The following CHODL variants were observed in gnomAD, a reference collection of about 807,000 sequenced individuals.
CHODL encodes the protein transmembrane protein MT75.
A neutral mutation model predicts 34.5 loss-of-function variants in CHODL; 29 were observed. The observed-to-expected ratio is 0.84, with a 90% CI of 0.63 to 1.15. The LOEUF (loss-of-function observed/expected upper bound fraction) is 1.15. Among genes scored for constraint, CHODL ranks in the 50% most tolerant of loss-of-function variants. The pLI is 0.00. For missense variants in CHODL, 332 were observed against 332.5 expected, an observed-to-expected ratio of 1.00 and a Z score of 0.01; for synonymous variants, 125 against 116.1, an observed-to-expected ratio of 1.08 and a Z score of -0.49.
intron 2 of CHODL, among the ~76,000 whole-genome samples, chr21:18,062,202 A>G (rs1176448911): frequency 1.3e-5 from 2 of 152,086 alleles, no homozygotes; most frequent in Non-Finnish European, 2.9e-5. Flanking sequence ...ATGACAGGCA[A>G]CAGCCCAGAC....
At position 17,940,300 on chromosome 21, in the gene CHODL, T is replaced by C. The variant is rs1395786634; in HGVS notation, c.-145+22900T>C. Among the ~76,000 whole-genome samples, 4 of 152,298 alleles carry C rather than the reference T, an allele frequency of 2.6e-5. No homozygotes were observed. The East Asian group carries it at 7.7e-4, about 29-fold the overall frequency. On this transcript the variant is annotated intron_variant, in intron 1 of 6. Coordinates refer to the CHODL transcript ENST00000400127. Reference sequence around the variant, plus strand: ...ATAACAGGCAAAAATCTGGAAACAATCCCATTTTCATCACCAATGAAGAAA... The same window carrying C: ...ATAACAGGCAAAAATCTGGAAACAACCCCATTTTCATCACCAATGAAGAAA...
upstream of CHODL, among the ~76,000 whole-genome samples, chr21:18,242,743 C>A (rs1245500362): frequency 6.6e-6 from 1 of 152,096 alleles, no homozygotes; most frequent in Non-Finnish European, 1.5e-5. Context: ...TAATTCTAGC[C>A]TAAAGATAAG....
In CHODL at chr21:18,200,764, T is replaced by C. The variant is rs1475973765; in HGVS notation, c.-44-55745T>C. 2.6e-5 allele frequency among the ~76,000 whole-genome samples: 4 copies of C among 152,212 alleles called. No individual in the cohort carries two copies. The East Asian group carries it at 7.7e-4, about 29-fold the overall frequency. ...ATAGTGTCTTTGAAATTTAATTAGT[T>C]AAGCATCTTGAGATGGCCTTAAATC... On this transcript the variant is annotated intron_variant, in intron 2 of 6. Transcript: ENST00000400127.
chr21:18,107,101 T>A (rs778823606), intron 2 of CHODL, among the ~76,000 whole-genome samples: 77 of 152,324 alleles, frequency 5.1e-4, no homozygotes, highest in South Asian at 1.2e-3. Flanking sequence ...GCAATGCCAT[T>A]TTCAGACTTG....
Position 18,197,095 on chromosome 21 carries a change from A to G in CHODL, c.-44-59414A>G, listed in dbSNP as rs2073597446. On this transcript the variant is annotated intron_variant, in intron 2 of 6. Coordinates refer to the CHODL transcript ENST00000400127. ...ATGTATATGTACATCAAAATATTAC[A>G]TTTGACCCATGAATTATGTATAGTT... Among the ~76,000 whole-genome samples, 3 of 152,186 alleles carry G rather than the reference A, an allele frequency of 2.0e-5. No homozygotes were observed. The South Asian group carries it at 6.2e-4, about 31-fold the overall frequency.
At chr21:18,198,440 A>C (rs1286836374) in intron 2 of CHODL, among the ~76,000 whole-genome samples, 1 of 152,232 alleles carries the variant, frequency 6.6e-6, no homozygotes, top group Non-Finnish European at 1.5e-5. Flanking sequence ...AACTAAAAAT[A>C]GAAGGCAGCA....
intron 2 of CHODL, among the ~76,000 whole-genome samples, chr21:18,208,718 C>T (rs186147237): frequency 5.3e-5 from 8 of 152,146 alleles, no homozygotes; most frequent in African/African-American, 1.9e-4. Context: ...TAGGAGACAC[C>T]CCAAGCCCAG....
chr21:18,113,103 C>CA (rs1191005323), intron 2 of CHODL, among the ~76,000 whole-genome samples: 1 of 151,968 alleles, frequency 6.6e-6, no homozygotes, highest in Non-Finnish European at 1.5e-5. Flanking sequence ...AACCAATGGG[C>CA]AAAAAATTTG....
At chr21:18,110,764 A>C (rs1039893491) in intron 2 of CHODL, among the ~76,000 whole-genome samples, 5 of 152,228 alleles carry the variant, frequency 3.3e-5, no homozygotes, top group Non-Finnish European at 7.3e-5. Flanking sequence ...GTCACAATGC[A>C]CTGGAACATG....
intron 1 of CHODL, among the ~76,000 whole-genome samples, chr21:18,013,780 G>A (rs559969366): frequency 3.1e-4 from 47 of 151,588 alleles, no homozygotes; most frequent in South Asian, 2.5e-3. Context: ...GACTACAGGC[G>A]TGTGCCACCA....
intron 2 of CHODL, among the ~76,000 whole-genome samples, chr21:18,108,229 C>T (rs554982327): frequency 2.0e-5 from 3 of 152,006 alleles, no homozygotes; most frequent in South Asian, 4.1e-4. Context: ...TGGAAGGTCA[C>T]GGTTGCATAT....
At chr21:17,988,406 T>G (rs1379455784) in intron 1 of CHODL, among the ~76,000 whole-genome samples, 1 of 140,814 alleles carries the variant, frequency 7.1e-6, no homozygotes, top group Admixed American at 7.2e-5. Flanking sequence ...TTTTTTTTTA[T>G]TATTATTATA....
intron 2 of CHODL, among the ~76,000 whole-genome samples, chr21:18,107,057 C>G (rs1006612847): frequency 6.6e-6 from 1 of 152,184 alleles, no homozygotes; most frequent in Admixed American, 6.5e-5. Flanking sequence ...AACCCTCTCC[C>G]TAATAAATAG....
At chr21:17,984,446 T>G (rs1024943623) in intron 1 of CHODL, among the ~76,000 whole-genome samples, 3 of 152,218 alleles carry the variant, frequency 2.0e-5, no homozygotes, top group African/African-American at 7.2e-5. Context: ...AGAACCTCCA[T>G]TCCATTTTTT....
intron 1 of CHODL, among the ~76,000 whole-genome samples, chr21:17,920,269 C>T (rs1487926807): frequency 6.6e-6 from 1 of 152,178 alleles, no homozygotes; most frequent in East Asian, 1.9e-4. Flanking sequence ...ATACCCAAGA[C>T]TGGGCAATTT....
chr21:18,177,927 T>C (rs2073336898), intron 2 of CHODL, among the ~76,000 whole-genome samples: 1 of 152,176 alleles, frequency 6.6e-6, no homozygotes, highest in Non-Finnish European at 1.5e-5. Flanking sequence ...GAAAGCTATT[T>C]ACTTGGTCCA....
chr21:18,092,637 A>C (rs980814605), intron 2 of CHODL, among the ~76,000 whole-genome samples: 8 of 152,242 alleles, frequency 5.3e-5, no homozygotes, highest in African/African-American at 1.4e-4. Flanking sequence ...ATAATTAAAA[A>C]GAATCAAGAA....
At chr21:18,043,059 A>C (rs769064001) in intron 2 of CHODL, among the ~76,000 whole-genome samples, 4 of 152,030 alleles carry the variant, frequency 2.6e-5, no homozygotes, top group Non-Finnish European at 4.4e-5. Context: ...TATAACTGCA[A>C]GATTGCTAAT....
intron 1 of CHODL, among the ~76,000 whole-genome samples, chr21:18,256,245 G>A (rs1181308309): frequency 6.6e-6 from 1 of 151,804 alleles, no homozygotes; most frequent in African/African-American, 2.4e-5. Flanking sequence ...TAAAATCTAA[G>A]CCAGAAGAGT....
Sources: allele counts gnomAD v4.1 joint callset (sites outside exome capture counted in the v4.1 genomes callset), GRCh38; gene constraint gnomAD v4.1.1; transcripts MANE v1.5; gene names NCBI Gene and HGNC (gene_info 2026-07-23, HGNC 2026-07-21).